The following HDAC5 variants were observed in gnomAD, a reference collection of about 807,000 sequenced individuals.
HDAC5 encodes the protein histone deacetylase 5, also known as antigen NY-CO-9.
A neutral mutation model predicts 133.3 loss-of-function variants in HDAC5; 25 were observed. The ratio of observed to expected loss-of-function variants is 0.19; its 90% CI spans 0.14 to 0.26. The LOEUF (loss-of-function observed/expected upper bound fraction) is 0.26. HDAC5 is among the 10% of genes least tolerant of loss of function. The pLI is 1.00. For synonymous variants in HDAC5, 589 were observed against 610.8 expected (o/e 0.96, Z 0.53); for missense variants, 1,041 against 1,460.5 (o/e 0.71, Z 4.68).
At chr17:44,113,404 G>C (rs1567688702) in intron 2 of HDAC5, among the ~76,000 whole-genome samples, 1 of 152,192 alleles carries the variant, frequency 6.6e-6, no homozygotes, top group African/African-American at 2.4e-5. Flanking sequence ...GACACAGTCA[G>C]AAAATCCTCA....
At chr17:44,109,501 G>A (rs1276046392) in intron 3 of HDAC5, among the ~76,000 whole-genome samples, 1 of 152,192 alleles carries the variant, frequency 6.6e-6, no homozygotes, top group Non-Finnish European at 1.5e-5. Flanking sequence ...CCCTATCCTC[G>A]GGGCCTGCAT....
chr17:44,079,958 T>TGGG (rs1202081902), intron 23 of HDAC5, 149 bp downstream of exon 23: 4 of 669,364 alleles, frequency 6.0e-6, no homozygotes, highest in Admixed American at 2.1e-5. Context: ...GAGGACAAGT[T>TGGG]GGGGGAGTTA....
At chr17:44,093,863 A>G in intron 3 of HDAC5, 29 bp from the exon 4 acceptor site, 1 of 1,461,230 alleles carries the variant, frequency 6.8e-7, no homozygotes, top group Non-Finnish European at 9.1e-7. Context: ...GGAAGGAGTT[A>G]GTGGGCCCAG....
In HDAC5 at chr17:44,117,762, G is replaced by A; in HGVS notation, c.-189-58C>T. ...TAACTCAGGAATCTGAGAGTCGAAGGAGACCTTGGAGCTCATCAGTTTGTA... is the reference window on the plus strand; with the variant it reads ...TAACTCAGGAATCTGAGAGTCGAAGAAGACCTTGGAGCTCATCAGTTTGTA... On this transcript the variant is annotated intron_variant, in intron 1 of 26. Transcript: ENST00000682912. The surrounding 1 kb of genome is among the most constrained non-coding windows in gnomAD (Gnocchi z 4.2). 5.0e-6 allele frequency: 3 copies of A among 600,926 alleles called. No individual in the cohort carries two copies. In the South Asian group the frequency reaches 5.9e-5, roughly 12 times the overall value. 37.2% of individuals were successfully genotyped at this position (600,926 alleles called of 1,614,324 possible). A position where few individuals can be genotyped will look rare whatever the true frequency, so the allele number is the denominator to read the frequency against.
In HDAC5 at chr17:44,093,398, CCCGCTG is replaced by C. The variant is rs765077763; in HGVS notation, c.436_441del (p.Gln146_Arg147del). 4 of 1,590,868 alleles carry C rather than the reference CCCGCTG, an allele frequency of 2.5e-6. No individual in the cohort carries two copies. In the African/African-American group the frequency reaches 5.4e-5, roughly 21 times the overall value. On this transcript the variant is annotated inframe_deletion, in exon 5 of 27. Transcript: ENST00000682912. Reference sequence around the variant, plus strand: ...TCCAGCTCTTCCTGCCGCTGCTGCTCCCGCTGCCGCTGCTGCTCCAGCTCCTGCTGC... The same window carrying C: ...TCCAGCTCTTCCTGCCGCTGCTGCTCCCGCTGCTGCTCCAGCTCCTGCTGC...
chr17:44,093,442 A>C lies in HDAC5; in HGVS notation c.398T>G (p.Leu133Arg). 1 of 1,604,384 alleles carries C rather than the reference A, an allele frequency of 6.2e-7. No homozygotes were observed. Among genetic ancestry groups the C allele is most frequent in the Non-Finnish European group, 8.5e-7 (1 of 1,176,894 alleles). The change falls in exon 5 of 27, where the codon CTG becomes CGG. Residue 133 changes from leucine to arginine, a missense_variant. Physicochemically the swap from Leu to Arg is moderately radical, Grantham distance 102 (BLOSUM62 -2). Around this residue, in one of 9 missense-constraint regions of HDAC5, gnomAD observed 109 missense variants for 168.0 expected, o/e 0.65. Coordinates refer to ENST00000682912, the MANE Select transcript of HDAC5 (RefSeq NM_005474.5). ...CAGCTCCTGCTGCCGCTTGGCTGCC[A>C]GCATCTCCTGCTGCTGCTTGGCTGC... ...MLAAKQQQEM[L>R]AAKRQQELEQ... is the part of the protein sequence containing the mutation.
chr17:44,117,451 G>A lies in HDAC5; in HGVS notation c.22+43C>T, dbSNP rs372082593. 19 of 1,612,020 alleles carry A rather than the reference G, an allele frequency of 1.2e-5. No individual in the cohort carries two copies. The African/African-American group carries it at 1.7e-4, about 15-fold the overall frequency. On this transcript the variant is annotated intron_variant, in intron 2 of 26. Coordinates refer to ENST00000682912, the MANE Select transcript of HDAC5 (RefSeq NM_005474.5). The surrounding 1 kb of genome is among the most constrained non-coding windows in gnomAD (Gnocchi z 4.2). ...GAAACCCACACAGCCCATTGCATCC[G>A]AAGCTACCCCAGGGTGCTCTTCTCC...
chr17:44,100,550 T>A (rs1222134212), intron 3 of HDAC5, among the ~76,000 whole-genome samples: 1 of 127,700 alleles, frequency 7.8e-6, no homozygotes, highest in Non-Finnish European at 1.6e-5. Context: ...CTGGCCAACA[T>A]GGTGAAACCC....
chr17:44,080,325 T>C, intron 22 of HDAC5, 76 bp downstream of exon 22: 1 of 1,550,902 alleles, frequency 6.4e-7, no homozygotes, highest in Non-Finnish European at 8.9e-7. Flanking sequence ...CACACTGAAC[T>C]GAGTGCCTTC....
intron 3 of HDAC5, among the ~76,000 whole-genome samples, chr17:44,099,152 AAAGGTTCACAGGGGAGGAC>A (rs2051436939): frequency 6.6e-6 from 1 of 152,078 alleles, no homozygotes; most frequent in Non-Finnish European, 1.5e-5. Flanking sequence ...AAAGCCAGGG[AAAGGTTCACAGGGGAGGAC>A]AAGGACCTGG....
chr17:44,093,258 G>GCA (rs1453284095), intron 5 of HDAC5, 52 bp from the exon 6 acceptor site: 1 of 1,584,384 alleles, frequency 6.3e-7, no homozygotes, highest in Non-Finnish European at 8.6e-7. Context: ...ACCCCCCATG[G>GCA]CAGGGGCAGG....
At position 44,078,832 on chromosome 17, in the gene HDAC5, G is replaced by C; in HGVS notation, c.3126C>G (p.Asn1042Lys). The C allele has an allele frequency of 6.2e-7, 1 of 1,614,168 alleles. No homozygotes were observed. Among genetic ancestry groups the C allele is most frequent in the Non-Finnish European group, 8.5e-7 (1 of 1,180,024 alleles). ...TGACTTTCTCTAGCGTGGCCACTGCGTTGATGTTGGGCTTTTGCTGCAAGA... is the reference window on the plus strand; with the variant it reads ...TGACTTTCTCTAGCGTGGCCACTGCCTTGATGTTGGGCTTTTGCTGCAAGA... ...EAVLQQKPNI[N>K]AVATLEKVIE... Residue 1042 changes from asparagine (N) to lysine (K), a missense_variant, in exon 25 of 27, where the codon AAC (asparagine) becomes AAG (lysine). This residue lies in a region of HDAC5 where 174 missense variants were observed against 352.7 expected (regional missense o/e 0.49). Coordinates refer to ENST00000682912, the MANE Select transcript of HDAC5 (RefSeq NM_005474.5).
At chr17:44,090,679 T>A (rs1235557589) in intron 11 of HDAC5, among the ~76,000 whole-genome samples, 1 of 151,904 alleles carries the variant, frequency 6.6e-6, no homozygotes, top group Non-Finnish European at 1.5e-5. Flanking sequence ...TGGCTCCACT[T>A]GCTTCTTTTA....
At chr17:44,093,524 C>G (rs755397898) in intron 4 of HDAC5, 39 bp from the exon 5 acceptor site, 1 of 1,598,474 alleles carries the variant, frequency 6.3e-7, no homozygotes, top group Non-Finnish European at 8.5e-7. Context: ...GTGAGCCAGG[C>G]CCGGGCGGGG....
At position 44,097,016 on chromosome 17, in the gene HDAC5, C is replaced by A. The variant is rs149935497; in HGVS notation, c.95-3182G>T. On this transcript the variant is annotated intron_variant, in intron 3 of 26. Transcript: ENST00000682912. ...GGATTACAGGCATGAGTGACCACAC[C>A]CAGCCGAACAATTTTTAAAGAGAAG... 7.6e-3 allele frequency among the ~76,000 whole-genome samples: 1,160 copies of A among 152,356 alleles called. 14 individuals carry two copies. Among genetic ancestry groups the A allele is most frequent in the African/African-American group, 0.027 (1,105 of 41,578 alleles).
chr17:44,086,466 G>T, intron 14 of HDAC5, 106 bp downstream of exon 14: 1 of 909,834 alleles, frequency 1.1e-6, no homozygotes, highest in Non-Finnish European at 1.5e-6. Context: ...CTCCTTTCAG[G>T]GTGCCTAAGG....
intron 3 of HDAC5, among the ~76,000 whole-genome samples, chr17:44,107,899 A>T (rs547434361): frequency 2.0e-4 from 31 of 152,260 alleles, no homozygotes; most frequent in Non-Finnish European, 4.6e-4. Context: ...CTCCTCCTCC[A>T]TGCCATCTCA....
intron 3 of HDAC5, among the ~76,000 whole-genome samples, chr17:44,107,353 A>G (rs1455197008): frequency 6.6e-6 from 1 of 152,232 alleles, no homozygotes; most frequent in Non-Finnish European, 1.5e-5. Context: ...TCACGCCTGC[A>G]ATCCCAACAC....
At position 44,093,503 on chromosome 17, in the gene HDAC5, C is replaced by A. The variant is rs117519930; in HGVS notation, c.355-18G>T. The A allele has an allele frequency of 1.8e-5, 29 of 1,603,460 alleles. No individual in the cohort carries two copies. In the Admixed American group the frequency reaches 2.0e-4, roughly 11 times the overall value. On this transcript the variant is annotated intron_variant, in intron 4 of 26. Coordinates refer to ENST00000682912, the MANE Select transcript of HDAC5 (RefSeq NM_005474.5). The stretch of plus-strand genomic sequence containing the variant: ...TGCTGCTGCTGCAGGGGCATGGGAA[C>A]GGAGGCACAAGTGAGCCAGGCCCGG...
Sources: allele counts gnomAD v4.1 joint callset (sites outside exome capture counted in the v4.1 genomes callset), GRCh38; gene constraint gnomAD v4.1.1; regional missense constraint gnomAD v4.1.1; non-coding constraint Gnocchi (gnomAD v3.1); transcripts MANE v1.5; gene names NCBI Gene and HGNC (gene_info 2026-07-23, HGNC 2026-07-21).